The following CSMD2 variants were observed in gnomAD, a reference collection of about 807,000 sequenced individuals.
CSMD2 encodes CUB and sushi domain-containing protein 2.
A neutral mutation model predicts 398.5 loss-of-function variants in CSMD2; 130 were observed. That is an observed-to-expected ratio of 0.33 (90% CI 0.28 to 0.38). The LOEUF is 0.38. CSMD2 is among the 10% of genes least tolerant of loss of function. The pLI is 1.00. For missense variants in CSMD2, 3,829 were observed against 4,764.9 expected (o/e 0.80, Z 5.78); for synonymous variants, 1,828 against 1,908.5 (o/e 0.96, Z 1.10).
chr1:33,677,299 C>A (rs555071365), intron 25 of CSMD2, among the ~76,000 whole-genome samples: 15 of 152,040 alleles, frequency 9.9e-5, no homozygotes, highest in Non-Finnish European at 1.8e-4. Flanking sequence ...AAGTGGGCAA[C>A]GGATATGAAC....
chr1:34,150,301 T>G (rs771133), intron 1 of CSMD2, among the ~76,000 whole-genome samples: 1 of 152,078 alleles, frequency 6.6e-6, no homozygotes, highest in South Asian at 2.1e-4. Context: ...CCCAGGTTGG[T>G]CTTGAACTAC....
At chr1:33,737,702 T>A (rs912982797) in intron 15 of CSMD2, among the ~76,000 whole-genome samples, 11 of 152,158 alleles carry the variant, frequency 7.2e-5, no homozygotes, top group African/African-American at 2.7e-4. Flanking sequence ...TCTAGCCTAG[T>A]TAAAAGGCCA....
At chr1:33,681,857 T>C (rs1481715075) in intron 25 of CSMD2, among the ~76,000 whole-genome samples, 1 of 152,034 alleles carries the variant, frequency 6.6e-6, no homozygotes, top group Non-Finnish European at 1.5e-5. Context: ...CCCCAGGTAC[T>C]TGGGAGGCTG....
chr1:33,707,961 G>A (rs190659086), intron 22 of CSMD2, among the ~76,000 whole-genome samples: 1 of 152,108 alleles, frequency 6.6e-6, no homozygotes, highest in African/African-American at 2.4e-5. Flanking sequence ...ATTAGAAAAA[G>A]CTAAAAAAAT....
At chr1:34,034,273 G>A (rs1650833043) in intron 2 of CSMD2, among the ~76,000 whole-genome samples, 1 of 152,096 alleles carries the variant, frequency 6.6e-6, no homozygotes, top group Non-Finnish European at 1.5e-5. Flanking sequence ...TAGCCACAGA[G>A]CTAGGTAAAT....
At chr1:33,943,107 C>G (rs569969911) in intron 3 of CSMD2, among the ~76,000 whole-genome samples, 2 of 152,290 alleles carry the variant, frequency 1.3e-5, no homozygotes, top group African/African-American at 4.8e-5. Flanking sequence ...CACCAAGGCA[C>G]AGGCAAACAC....
chr1:34,093,268 CA>C (rs1658865454), intron 1 of CSMD2, among the ~76,000 whole-genome samples: 2 of 152,202 alleles, frequency 1.3e-5, no homozygotes, highest in South Asian at 4.1e-4. Flanking sequence ...ACATCGCCAT[CA>C]TCAAAGACCA....
rs200817032 is a variant in CSMD2, at chr1:34,108,089, GTCTT to G, written c.188-18900_188-18897del. Among the ~76,000 whole-genome samples the G allele has an allele frequency of 1.2e-4, 19 of 152,226 alleles. No individual in the cohort carries two copies. The East Asian group carries it at 3.7e-3, about 29-fold the overall frequency. ...ATTAATTTGTCTGCTTGTCAACGGT[GTCTT>G]TCTTTTTTCTTTTCATTTGTTTCTT... On this transcript the variant is annotated intron_variant, in intron 1 of 70. Coordinates refer to ENST00000373381, the MANE Select transcript of CSMD2 (RefSeq NM_001281956.2).
At chr1:33,729,891 T>C (rs1646666698) in intron 15 of CSMD2, among the ~76,000 whole-genome samples, 1 of 152,206 alleles carries the variant, frequency 6.6e-6, no homozygotes, top group African/African-American at 2.4e-5. Context: ...TGCAGAGGAA[T>C]TTGGTAATAT....
chr1:33,841,604 G>A (rs1339340813), intron 6 of CSMD2, among the ~76,000 whole-genome samples: 4 of 151,742 alleles, frequency 2.6e-5, no homozygotes, highest in Non-Finnish European at 4.4e-5. Context: ...GGAGGCAGAC[G>A]GATTGATTAC....
At chr1:34,060,575 C>G (rs1654372662) in intron 2 of CSMD2, among the ~76,000 whole-genome samples, 2 of 151,958 alleles carry the variant, frequency 1.3e-5, no homozygotes, top group African/African-American at 4.8e-5. Context: ...GGAATTCCTT[C>G]TCATCTAGAG....
In CSMD2 at chr1:33,714,705, G is replaced by A. The variant is rs746786566; in HGVS notation, c.3288C>T (p.Gly1096=). 2.7e-5 allele frequency: 43 copies of A among 1,613,996 alleles called. No homozygotes were observed. Among genetic ancestry groups the A allele is most frequent in the South Asian group, 2.4e-4 (22 of 91,090 alleles). The part of the protein sequence containing the change: ...AYSIRKGLQF[G]VGDTLTFSCF... ...AGGAGAAGGTCAAGGTGTCGCCCAC[G>A]CCAAACTGCAAGCCCTTCCGGATGC... Residue 1096 remains glycine, a synonymous_variant, in exon 21 of 71, where the codon GGC becomes GGT. Transcript: ENST00000373381.
At chr1:33,531,313 A>G (rs1167158391) in intron 64 of CSMD2, among the ~76,000 whole-genome samples, 3 of 152,216 alleles carry the variant, frequency 2.0e-5, no homozygotes, top group African/African-American at 7.2e-5. Context: ...ATACCCACTG[A>G]TCATGGATAC....
chr1:34,037,256 T>TCACTCCAGCCGCCTCCTATC (rs532379285), intron 2 of CSMD2, among the ~76,000 whole-genome samples: 95 of 152,248 alleles, frequency 6.2e-4, no homozygotes, highest in South Asian at 3.3e-3. Flanking sequence ...TCCAGGCCCC[T>TCACTCCAGCCGCCTCCTATC]CACTCCAGCC....
chr1:33,694,778 G>T (rs1027221472), intron 24 of CSMD2, among the ~76,000 whole-genome samples: 1 of 152,132 alleles, frequency 6.6e-6, no homozygotes, highest in Non-Finnish European at 1.5e-5. Flanking sequence ...AATAAAAATG[G>T]TCCCTGAGTG....
intron 55 of CSMD2, among the ~76,000 whole-genome samples, chr1:33,551,007 C>T (rs1017761489): frequency 6.6e-6 from 1 of 152,208 alleles, no homozygotes; most frequent in Admixed American, 6.5e-5. Context: ...ATTTACTCAA[C>T]ACACATTTAT....
chr1:33,969,960 A>G (rs1645696713), intron 3 of CSMD2, among the ~76,000 whole-genome samples: 2 of 151,542 alleles, frequency 1.3e-5, no homozygotes, highest in African/African-American at 2.4e-5. Flanking sequence ...AAAAGATTCA[A>G]CCGGGCGTGG....
At chr1:33,744,790 TAGAAAAAATAA>T (rs2149259187) in intron 13 of CSMD2, among the ~76,000 whole-genome samples, 1 of 152,116 alleles carries the variant, frequency 6.6e-6, no homozygotes, top group African/African-American at 2.4e-5. Context: ...TCCATTTCAA[TAGAAAAAATAA>T]AGAAAAAATA....
Position 33,662,558 on chromosome 1 carries a change from T to C in CSMD2, c.4255+332A>G, listed in dbSNP as rs1644170796. On this transcript the variant is annotated intron_variant, in intron 26 of 70. Transcript: ENST00000373381. ...TTGCTCCTTGAAACACTTTCTTTTCTTGAGTAACTTCTACTTGTCCGTTGG... is the reference window on the plus strand; with the variant it reads ...TTGCTCCTTGAAACACTTTCTTTTCCTGAGTAACTTCTACTTGTCCGTTGG... Among the ~76,000 whole-genome samples the C allele has an allele frequency of 1.3e-5, 2 of 152,222 alleles. 1 individual carries two copies. The highest frequency in any genetic ancestry group is 4.1e-4 in the South Asian group (2 of 4,832).
Sources: gnomAD v4.1 joint callset for allele counts (sites outside exome capture counted in the v4.1 genomes callset) on GRCh38, gnomAD v4.1.1 for gene constraint, MANE v1.5 for transcripts, NCBI Gene and HGNC (gene_info 2026-07-23, HGNC 2026-07-21) for gene names.